CLEC16A: variants seen among roughly 807,000 people sequenced by gnomAD.
CLEC16A encodes the protein protein CLEC16A.
A neutral mutation model predicts 109.5 loss-of-function variants in CLEC16A; 51 were observed. That is an observed-to-expected ratio of 0.47 (90% CI 0.37 to 0.59). The LOEUF is 0.59. CLEC16A is among the 20% of genes least tolerant of loss of function. The pLI, the probability that CLEC16A is intolerant of heterozygous loss-of-function variation, is 0.00. For missense variants in CLEC16A, 1,339 were observed against 1,394.0 expected (o/e 0.96, Z 0.63); for synonymous variants, 673 against 564.2 (o/e 1.19, Z -2.73).
intron 23 of CLEC16A, among the ~76,000 whole-genome samples, chr16:11,173,546 G>A: frequency 6.6e-6 from 1 of 152,286 alleles, no homozygotes. Flanking sequence ...GGCTGAGGGA[G>A]AGGCTCGTGG....
chr16:11,080,021 A>T (rs1359999664), intron 19 of CLEC16A, among the ~76,000 whole-genome samples: 2 of 152,172 alleles, frequency 1.3e-5, no homozygotes, highest in South Asian at 4.1e-4. Flanking sequence ...CTATCATGGC[A>T]TCTTGTTCCT....
intron 19 of CLEC16A, among the ~76,000 whole-genome samples, chr16:11,096,272 G>T (rs529370967): frequency 6.6e-6 from 1 of 152,056 alleles, no homozygotes; most frequent in Non-Finnish European, 1.5e-5. Flanking sequence ...TTGAGTCCGG[G>T]AAGTCAAGCC....
At chr16:11,054,360 G>A (rs1421571114) in intron 18 of CLEC16A, among the ~76,000 whole-genome samples, 1 of 152,236 alleles carries the variant, frequency 6.6e-6, no homozygotes, top group Non-Finnish European at 1.5e-5. Context: ...GAGTTATCGT[G>A]AGGACTCGGC....
chr16:11,138,131 A>C (rs1030757211), intron 22 of CLEC16A, among the ~76,000 whole-genome samples: 2 of 152,210 alleles, frequency 1.3e-5, no homozygotes, highest in African/African-American at 4.8e-5. Flanking sequence ...TGACATGACA[A>C]ACATGTTGAC....
chr16:10,975,945 C>G (rs2043012727), intron 7 of CLEC16A, among the ~76,000 whole-genome samples: 1 of 152,138 alleles, frequency 6.6e-6, no homozygotes, highest in Admixed American at 6.5e-5. Context: ...AGCCACTGCA[C>G]CCAGCTGAAA....
rs2091082937 is a variant in CLEC16A, at chr16:10,944,709, G to A, written c.-9G>A. 6.2e-7 allele frequency: 1 copy of A among 1,602,026 alleles called. No homozygotes were observed. Among genetic ancestry groups the A allele is most frequent in the Non-Finnish European group, 8.5e-7 (1 of 1,175,156 alleles). ...ACCGTGAGACGAGAGACGGGTCGGG[G>A]CCGCCGACATGTTTGGCCGCTCGCG... On this transcript the variant is annotated 5_prime_UTR_variant, in exon 1 of 24. Coordinates refer to ENST00000409790, the MANE Select transcript of CLEC16A (RefSeq NM_015226.3).
intron 22 of CLEC16A, among the ~76,000 whole-genome samples, chr16:11,138,775 T>C (rs2053687782): frequency 1.3e-5 from 2 of 152,330 alleles, no homozygotes; most frequent in African/African-American, 4.8e-5. Flanking sequence ...CGCACCCTCA[T>C]TCGATTTTGA....
intron 22 of CLEC16A, among the ~76,000 whole-genome samples, chr16:11,133,365 A>G (rs1196592811): frequency 1.3e-5 from 2 of 149,714 alleles, no homozygotes; most frequent in Non-Finnish European, 3.0e-5. Context: ...TTTTTTTTTG[A>G]CTCTCCTGAG....
chr16:11,105,487 C>T (rs973705694), intron 19 of CLEC16A, among the ~76,000 whole-genome samples: 3 of 152,212 alleles, frequency 2.0e-5, no homozygotes, highest in African/African-American at 7.2e-5. Context: ...CAAGAAGAGT[C>T]TTAAAATTTG....
chr16:10,983,075 TAACA>T, intron 10 of CLEC16A, 84 bp downstream of exon 10: 2 of 784,650 alleles, frequency 2.5e-6, no homozygotes, highest in Non-Finnish European at 4.4e-6. Flanking sequence ...AATCAGAAAC[TAACA>T]TTCTGAATAT....
chr16:11,153,203 G>T (rs35903630), intron 22 of CLEC16A, among the ~76,000 whole-genome samples: 2,597 of 152,178 alleles, frequency 0.017, 88 homozygotes, highest in African/African-American at 0.06. Context: ...TCTGTAAAAC[G>T]GAGCCTTCCT....
intron 2 of CLEC16A, among the ~76,000 whole-genome samples, chr16:10,958,975 G>A (rs2042122731): frequency 6.6e-6 from 1 of 151,800 alleles, no homozygotes; most frequent in African/African-American, 2.4e-5. Flanking sequence ...TCTTAGTGCA[G>A]AAGGATTTGG....
At chr16:11,027,005 T>C (rs577145164) in intron 13 of CLEC16A, 114 of 1,563,528 alleles carry the variant, frequency 7.3e-5, no homozygotes, top group Non-Finnish European at 9.3e-5. Context: ...GCATGATCAG[T>C]AGCTGCACCA....
At chr16:11,037,033 C>T (rs949641929) in intron 13 of CLEC16A, among the ~76,000 whole-genome samples, 14 of 152,184 alleles carry the variant, frequency 9.2e-5, no homozygotes, top group South Asian at 2.1e-4. Flanking sequence ...AGTCGTGGGG[C>T]GGGTAGTTAC....
chr16:11,085,288 T>C (rs1183160905), intron 19 of CLEC16A, among the ~76,000 whole-genome samples: 1 of 152,216 alleles, frequency 6.6e-6, no homozygotes, highest in Non-Finnish European at 1.5e-5. Flanking sequence ...AGGCCTTAAT[T>C]GGATGGTCAG....
At chr16:11,118,629 G>T (rs2052178270) in intron 19 of CLEC16A, among the ~76,000 whole-genome samples, 1 of 152,182 alleles carries the variant, frequency 6.6e-6, no homozygotes, top group Non-Finnish European at 1.5e-5. Context: ...TGTTACTGAG[G>T]TTCTTGGTTT....
intron 10 of CLEC16A, among the ~76,000 whole-genome samples, chr16:11,002,035 TTAA>T (rs1297591939): frequency 6.6e-6 from 1 of 152,198 alleles, no homozygotes; most frequent in Non-Finnish European, 1.5e-5. Flanking sequence ...TGGGTTAAAA[TTAA>T]TAATAATATC....
At chr16:11,046,373 TGGTAGTTATGTCACACA>T (rs1478224411) in intron 16 of CLEC16A, among the ~76,000 whole-genome samples, 10 of 152,238 alleles carry the variant, frequency 6.6e-5, no homozygotes, top group African/African-American at 2.2e-4. Context: ...TTCCTGGTGG[TGGTAGTTATGTCACACA>T]AGAATATTCA....
chr16:11,060,868 T>A, intron 18 of CLEC16A, 34 bp from the exon 19 acceptor site: 1 of 1,557,012 alleles, frequency 6.4e-7, no homozygotes, highest in Non-Finnish European at 8.7e-7. Flanking sequence ...CTCTGCAATC[T>A]CACTCTTCTC....
Sources: allele counts gnomAD v4.1 joint callset (sites outside exome capture counted in the v4.1 genomes callset), GRCh38; gene constraint gnomAD v4.1.1; transcripts MANE v1.5; gene names NCBI Gene and HGNC (gene_info 2026-07-23, HGNC 2026-07-21).